The following BUB1 variants were observed in gnomAD, a reference collection of about 807,000 sequenced individuals.
BUB1 encodes mitotic checkpoint serine/threonine-protein kinase BUB1.
A neutral mutation model predicts 135.2 loss-of-function variants in BUB1; 84 were observed. The observed-to-expected ratio is 0.62, with a 90% CI of 0.52 to 0.74. The LOEUF is 0.74. Among genes scored for constraint, BUB1 ranks in the 30% least tolerant of loss-of-function variants. BUB1 has a pLI of 0.00. For missense variants in BUB1, 1,162 were observed against 1,288.3 expected (o/e 0.90, Z 1.50); for synonymous variants, 403 against 434.4 (o/e 0.93, Z 0.90).
chr2:110,656,006 A>G (rs1400647853), intron 15 of BUB1, 90 bp from the exon 16 acceptor site: 6 of 1,264,286 alleles, frequency 4.7e-6, no homozygotes, highest in Non-Finnish European at 6.7e-6. Flanking sequence ...ATCCAAAGAA[A>G]TGAGGATTAA....
At chr2:110,653,981 T>C (rs1689854292) in intron 16 of BUB1, among the ~76,000 whole-genome samples, 1 of 152,150 alleles carries the variant, frequency 6.6e-6, no homozygotes, top group Admixed American at 6.5e-5. Context: ...CAAGACCGTA[T>C]CTCTTAAAAA....
rs556391902 is a variant in BUB1 at position 110,640,929 on chromosome 2, C to T, written c.2955+105G>A. ...TAGGCTCATCTCTCCTTCAACTGCT[C>T]CTCAAAAGACCACCTCAAACTACCT... On this transcript the variant is annotated intron_variant, in intron 23 of 24. Coordinates refer to ENST00000302759, the MANE Select transcript of BUB1 (RefSeq NM_004336.5). 295 of 1,218,632 alleles carry T rather than the reference C, an allele frequency of 2.4e-4. 5 individuals are homozygous for T. In the South Asian group the frequency reaches 4.8e-3, roughly 20 times the overall value. 75.5% of individuals were successfully genotyped at this position (1,218,632 alleles called of 1,614,324 possible). A position where few individuals can be genotyped will look rare whatever the true frequency, so the allele number is the denominator to read the frequency against.
intron 15 of BUB1, among the ~76,000 whole-genome samples, chr2:110,656,320 T>C (rs1157382409): frequency 2.0e-5 from 3 of 152,200 alleles, no homozygotes; most frequent in East Asian, 1.9e-4. Flanking sequence ...ACCTTTTTTT[T>C]CCCACTAATG....
intron 3 of BUB1, among the ~76,000 whole-genome samples, chr2:110,673,393 C>T (rs1029036283): frequency 2.0e-5 from 3 of 152,158 alleles, no homozygotes; most frequent in African/African-American, 4.8e-5. Context: ...TGCTTTGTAG[C>T]CAGTCAGGCA....
rs78617655 is a variant in BUB1, at chr2:110,673,515, G to A, written c.225+571C>T. Among the ~76,000 whole-genome samples the A allele has an allele frequency of 7.5e-3, 1,143 of 152,120 alleles. 10 individuals are homozygous for A. The highest frequency in any genetic ancestry group is 0.027 in the African/African-American group (1,102 of 41,472). ...TCTGAAGTTATTTTCAGGTAGTGCT[G>A]GAATTGAATTGGAGACACAACTACA... On this transcript the variant is annotated intron_variant, in intron 3 of 24. Transcript: ENST00000302759.
rs1488762146 is a variant in BUB1 at position 110,657,577 on chromosome 2, C to A, written c.1585G>T (p.Val529Leu). Residue 529 changes from valine (V) to leucine (L), a missense_variant, in exon 14 of 25, where the codon GTG becomes TTG. Val to Leu is a conservative substitution (Grantham distance 32). Coordinates refer to ENST00000302759, the MANE Select transcript of BUB1 (RefSeq NM_004336.5). ...TTTTCTTTGTTTCCATCTTCAAACA[C>A]ATGAAAAGCAGATGACAAAGAAGAG... ...IISSLSSAFH[V>L]FEDGNKENYG... The A allele has an allele frequency of 4.4e-6, 7 of 1,607,956 alleles. No homozygotes were observed. The highest frequency in any genetic ancestry group is 5.9e-6 in the Non-Finnish European group (7 of 1,177,190).
chr2:110,642,006 C>T, intron 20 of BUB1, 113 bp downstream of exon 20: 2 of 990,556 alleles, frequency 2.0e-6, no homozygotes, highest in South Asian at 1.8e-5. Flanking sequence ...TTTTAATTGC[C>T]AACTGTAGAT....
rs766152699 is a variant in BUB1, at chr2:110,642,253, A to G, written c.2348-19T>C. On this transcript the variant is annotated intron_variant, in intron 19 of 24. Coordinates refer to ENST00000302759, the MANE Select transcript of BUB1 (RefSeq NM_004336.5). ...TTAGAACCTTAGAAGATAATTGAAA[A>G]TTTTAATTTATGTACGCCTTTTATT... 2.0e-5 allele frequency: 30 copies of G among 1,495,962 alleles called. 1 individual carries two copies. In the Admixed American group the frequency reaches 6.2e-4, roughly 31 times the overall value. The allele number at this position is 1,495,962 out of a possible 1,614,324, so 92.7% of individuals were successfully genotyped here.
rs559654974 is a variant in BUB1, at chr2:110,664,575, C to CTT, written c.957+1686_957+1687dup. On this transcript the variant is annotated intron_variant, in intron 9 of 24. Coordinates refer to ENST00000302759, the MANE Select transcript of BUB1 (RefSeq NM_004336.5). ...AACCCCTCAAACATGCTGCTGTTGC[C>CTT]TTTTTTTTTTTTTTTTTTAAATAAG... is the stretch of plus-strand genomic sequence containing the variant. 9.9e-3 allele frequency among the ~76,000 whole-genome samples: 1,343 copies of CTT among 135,812 alleles called. 30 individuals are homozygous for CTT. Among genetic ancestry groups the CTT allele is most frequent in the African/African-American group, 0.034 (1,259 of 37,296 alleles). The allele number at this position is 135,812 out of a possible 152,430, so 89.1% of individuals were successfully genotyped here. A position where few individuals can be genotyped will look rare whatever the true frequency, so the allele number is the denominator to read the frequency against.
chr2:110,646,148 C>T (rs986630468), intron 19 of BUB1, among the ~76,000 whole-genome samples: 65 of 128,570 alleles, frequency 5.1e-4, no homozygotes, highest in Non-Finnish European at 7.7e-4. Context: ...GGCAACATAG[C>T]GAGAACCCTA....
At chr2:110,666,161 A>G in intron 9 of BUB1, 102 bp downstream of exon 9, 4 of 1,168,000 alleles carry the variant, frequency 3.4e-6, no homozygotes, top group Non-Finnish European at 4.4e-6. Context: ...TACTAGCTAA[A>G]TTAACATCAG....
intron 21 of BUB1, 77 bp from the exon 22 acceptor site, chr2:110,641,541 G>A (rs1415928924): frequency 1.3e-6 from 2 of 1,555,290 alleles, no homozygotes; most frequent in African/African-American, 2.7e-5. Flanking sequence ...CTTTGCCCCT[G>A]CCCACCACTC....
Position 110,650,794 on chromosome 2 carries a change from T to G in BUB1, c.1965-10A>C. On this transcript the variant is annotated splice_polypyrimidine_tract_variant and intron_variant, in intron 17 of 24. Transcript: ENST00000302759. ...TTTCTCTTGAATTGGACTGGACGTGTGAAAGGAATAAAGAAACCAAAACAC... is the reference window on the plus strand; with the variant it reads ...TTTCTCTTGAATTGGACTGGACGTGGGAAAGGAATAAAGAAACCAAAACAC... The G allele has an allele frequency of 1.2e-6, 2 of 1,609,002 alleles. No homozygotes were observed. The highest frequency in any genetic ancestry group is 4.5e-5 in the East Asian group (2 of 44,814).
chr2:110,646,432 A>G (rs930467500), intron 19 of BUB1, among the ~76,000 whole-genome samples: 27 of 152,172 alleles, frequency 1.8e-4, no homozygotes, highest in African/African-American at 5.5e-4. Context: ...CAGTAAAAAC[A>G]TGGTTGAACT....
chr2:110,675,064 G>A (rs1298375053), intron 1 of BUB1: 3 of 152,622 alleles, frequency 2.0e-5, no homozygotes, highest in Admixed American at 1.3e-4. Flanking sequence ...AAGTAACAAA[G>A]TCCCTGAGGA....
intron 9 of BUB1, among the ~76,000 whole-genome samples, chr2:110,663,415 A>G (rs1690153636): frequency 6.6e-6 from 1 of 152,244 alleles, no homozygotes; most frequent in Non-Finnish European, 1.5e-5. Context: ...GATATTTTAA[A>G]TCAATGGGGA....
chr2:110,657,536 AT>A lies in BUB1; in HGVS notation c.1616+9del. On this transcript the variant is annotated intron_variant, in intron 14 of 24. Coordinates refer to ENST00000302759, the MANE Select transcript of BUB1 (RefSeq NM_004336.5). The stretch of plus-strand genomic sequence containing the variant: ...GGCAGCATCCCATTAACTAGATGGT[AT>A]TTTTTTACCCATAATTTTCTTTGTT... The A allele has an allele frequency of 6.3e-7, 1 of 1,585,928 alleles. No homozygotes were observed. Among genetic ancestry groups the A allele is most frequent in the Non-Finnish European group, 8.6e-7 (1 of 1,162,952 alleles).
chr2:110,668,381 G>C (rs535022601), intron 6 of BUB1, among the ~76,000 whole-genome samples: 2 of 152,306 alleles, frequency 1.3e-5, no homozygotes, highest in African/African-American at 4.8e-5. Flanking sequence ...CAGGACAATA[G>C]GTGGTCAGGA....
intron 5 of BUB1, among the ~76,000 whole-genome samples, 191 bp from the exon 6 acceptor site, chr2:110,669,744 C>T (rs182066383): frequency 1.3e-5 from 2 of 152,248 alleles, no homozygotes; most frequent in East Asian, 3.9e-4. Flanking sequence ...ATCAACTCAA[C>T]ATGCCAGGAA....
Sources: allele counts gnomAD v4.1 joint callset (sites outside exome capture counted in the v4.1 genomes callset), GRCh38; gene constraint gnomAD v4.1.1; transcripts MANE v1.5; gene names NCBI Gene and HGNC (gene_info 2026-07-23, HGNC 2026-07-21).